C4orf51: variants seen among roughly 807,000 people sequenced by gnomAD.
C4orf51 encodes chromosome 4 open reading frame 51.
In C4orf51, 25 loss-of-function variants were observed where a neutral mutation model predicts 25.2. The observed-to-expected ratio is 0.99, with a 90% CI of 0.72 to 1.39. The LOEUF is 1.39. Ranked by LOEUF, C4orf51 falls within the 40% of genes most tolerant of loss-of-function variation. The probability of loss-of-function intolerance (pLI) is 0.00; values close to 1 mark genes in which losing one functional copy is unlikely to be tolerated. For missense variants in C4orf51, 252 were observed against 239.6 expected, an observed-to-expected ratio of 1.05 and a Z score of -0.34; for synonymous variants, 100 against 84.5, an observed-to-expected ratio of 1.18 and a Z score of -1.01.
rs574793935 is a variant in C4orf51, at chr4:145,715,308, G to T, written c.308-11603G>T. ...GAGTCTTTGCCTCTCTTCCCTGTTT[G>T]CAGCCTCCCTCACCACTCAGCTCTG... On this transcript the variant is annotated intron_variant, in intron 2 of 5. Transcript: ENST00000438731. Among the ~76,000 whole-genome samples, 6 of 152,260 alleles carry T rather than the reference G, an allele frequency of 3.9e-5. No individual in the cohort carries two copies. The South Asian group carries it at 1.2e-3, about 32-fold the overall frequency.
At chr4:145,700,193 C>T (rs959468252) in intron 2 of C4orf51, among the ~76,000 whole-genome samples, 1 of 137,772 alleles carries the variant, frequency 7.3e-6, no homozygotes, top group Non-Finnish European at 1.6e-5. Context: ...CTTATTTCTG[C>T]ACCCCAACCT....
At chr4:145,766,096 C>T (rs1396470321) in intron 1 of C4orf51, among the ~76,000 whole-genome samples, 1 of 152,160 alleles carries the variant, frequency 6.6e-6, no homozygotes, top group East Asian at 1.9e-4. Flanking sequence ...TGTGGCACAA[C>T]TGTTATCAGC....
At chr4:145,746,699 C>T (rs554195700) in intron 1 of C4orf51, among the ~76,000 whole-genome samples, 1 of 151,802 alleles carries the variant, frequency 6.6e-6, no homozygotes, top group South Asian at 2.1e-4. Context: ...TATTCTGGGT[C>T]TTTTGTGGTT....
chr4:145,765,907 C>T lies in C4orf51; in HGVS notation n.167-5081C>T, dbSNP rs528634505. On this transcript the variant is annotated intron_variant and non_coding_transcript_variant, in intron 1 of 1. Coordinates refer to the C4orf51 transcript ENST00000510096. This position sits in a 1 kb window ranked among gnomAD's most constrained non-coding sequence, Gnocchi z 4.7. ...GGATCCCAGGTCCTAAGGCACCTAC[C>T]TCCTTTGTGGTACTGGGGGCCAAGA... 7.9e-5 allele frequency among the ~76,000 whole-genome samples: 12 copies of T among 152,258 alleles called. No individual in the cohort carries two copies. The highest frequency in any genetic ancestry group is 6.5e-4 in the Admixed American group (10 of 15,290).
At position 145,729,936 on chromosome 4, in the gene C4orf51, A is replaced by C. The variant is rs767031752; in HGVS notation, c.472A>C (p.Ser158Arg). Residue 158 changes from serine to arginine, a missense_variant, in exon 5 of 6, where the codon AGT becomes CGT. Coordinates refer to ENST00000438731, the MANE Select transcript of C4orf51 (RefSeq NM_001080531.3). The stretch of plus-strand genomic sequence containing the variant: ...AGCACAGGAGGCCCTGATAAACTAC[A>C]GTCGACGAGGGAAAGGTGTCCTAAA... ...KPAQEALINY[S>R]RRGKGVLKHL... is the part of the protein sequence containing the mutation. 4 of 1,613,732 alleles carry C rather than the reference A, an allele frequency of 2.5e-6. No individual in the cohort carries two copies. The highest frequency in any genetic ancestry group is 3.4e-6 in the Non-Finnish European group (4 of 1,179,788).
At chr4:145,710,456 C>T (rs957640075) in intron 2 of C4orf51, among the ~76,000 whole-genome samples, 1 of 151,956 alleles carries the variant, frequency 6.6e-6, no homozygotes, top group African/African-American at 2.4e-5. Context: ...TCTGCATGTG[C>T]AGTGGCCTGC....
chr4:145,738,591 A>G (rs1481904666), intron 1 of C4orf51, among the ~76,000 whole-genome samples: 1 of 152,074 alleles, frequency 6.6e-6, no homozygotes, highest in African/African-American at 2.4e-5. Context: ...ATACTAAACC[A>G]CAAGACTGAA....
intron 2 of C4orf51, among the ~76,000 whole-genome samples, chr4:145,710,295 G>A (rs1731060311): frequency 6.6e-6 from 1 of 152,206 alleles, no homozygotes; most frequent in Admixed American, 6.5e-5. Flanking sequence ...GAGCAGGAAT[G>A]AAAAGAGGTA....
the C4orf51 span, among the ~76,000 whole-genome samples, chr4:145,787,456 C>T: frequency 2.8e-5 from 4 of 140,476 alleles, no homozygotes; most frequent in East Asian, 2.0e-4. Context: ...AGTGAGACTC[C>T]GTCTCAGGAA....
rs1346535095 is a variant in C4orf51 at position 145,694,394 on chromosome 4, G to A, written c.234-2165G>A. Among the ~76,000 whole-genome samples the A allele has an allele frequency of 6.3e-4, 86 of 137,424 alleles. 1 individual carries two copies. Among genetic ancestry groups the A allele is most frequent in the Non-Finnish European group, 1.2e-3 (76 of 62,946 alleles). The allele number at this position is 137,424 out of a possible 152,430, so 90.2% of individuals were successfully genotyped here. Reference sequence around the variant, plus strand: ...GGTGGGGGGGTCAGCCCTCCACCCGGCCAGCCGCCCCGTCTGGGAGGTGAG... The same window carrying A: ...GGTGGGGGGGTCAGCCCTCCACCCGACCAGCCGCCCCGTCTGGGAGGTGAG... On this transcript the variant is annotated intron_variant, in intron 1 of 5. Coordinates refer to ENST00000438731, the MANE Select transcript of C4orf51 (RefSeq NM_001080531.3).
chr4:145,728,083 G>A (rs1732210315), intron 3 of C4orf51, among the ~76,000 whole-genome samples: 2 of 142,234 alleles, frequency 1.4e-5, no homozygotes, highest in Admixed American at 7.3e-5. Context: ...ATATAAGGAG[G>A]CATTTAAGGT....
At position 145,765,617 on chromosome 4, in the gene C4orf51, G is replaced by A. The variant is rs777958792; in HGVS notation, n.167-5371G>A. On this transcript the variant is annotated intron_variant and non_coding_transcript_variant, in intron 1 of 1. Transcript: ENST00000510096. The surrounding 1 kb of genome is among the most constrained non-coding windows in gnomAD (Gnocchi z 4.7). ...GCATGACAGAGATGACCAGCAGATT[G>A]TTCCCGCCCTTGTTTTTCTGGGAGC... is the stretch of plus-strand genomic sequence containing the variant. 9 of 1,614,134 alleles carry A rather than the reference G, an allele frequency of 5.6e-6. No individual in the cohort carries two copies. The East Asian group carries it at 2.0e-4, about 36-fold the overall frequency.
chr4:145,739,148 A>G (rs993346382), intron 1 of C4orf51, among the ~76,000 whole-genome samples: 1 of 152,220 alleles, frequency 6.6e-6, no homozygotes, highest in African/African-American at 2.4e-5. Flanking sequence ...ACCTACCTAA[A>G]CACTTTCTTT....
At chr4:145,694,206 G>A (rs1249669716) in intron 1 of C4orf51, among the ~76,000 whole-genome samples, 2 of 145,338 alleles carry the variant, frequency 1.4e-5, no homozygotes, top group Non-Finnish European at 3.0e-5. Context: ...TCCTAGATGT[G>A]ATGGCGGCTG....
At chr4:145,747,860 G>A (rs560095604) in intron 1 of C4orf51, among the ~76,000 whole-genome samples, 5 of 146,822 alleles carry the variant, frequency 3.4e-5, no homozygotes, top group South Asian at 2.1e-4. Context: ...CCTTTGTCTC[G>A]TTTTGGTATC....
chr4:145,775,837 G>A (rs757022622), downstream of C4orf51: 1 of 1,614,152 alleles, frequency 6.2e-7, no homozygotes, highest in Admixed American at 1.7e-5. Context: ...AGAGGTGACG[G>A]CGCTGACAAT....
intron 1 of C4orf51, among the ~76,000 whole-genome samples, chr4:145,768,916 T>TATATATATATATATATATATATATAA (rs34051922): frequency 1.2e-4 from 4 of 34,416 alleles, no homozygotes; most frequent in African/African-American, 3.1e-4. Flanking sequence ...TATATATATA[T>TATATATATATATATATATATATATAA]TAGGTATACA....
chr4:145,764,678 T>C, intron 1 of C4orf51: 2 of 353,838 alleles, frequency 5.7e-6, no homozygotes, highest in Non-Finnish European at 1.1e-5. Flanking sequence ...TCCATTAAAA[T>C]CAAGTCTGAA....
chr4:145,778,019 T>C, the C4orf51 span, among the ~76,000 whole-genome samples: 1 of 152,176 alleles, frequency 6.6e-6, no homozygotes, highest in South Asian at 2.1e-4. Flanking sequence ...TTTTTGAACA[T>C]GTTAAAGTTT....
Sources: gnomAD v4.1 joint callset for allele counts (sites outside exome capture counted in the v4.1 genomes callset) on GRCh38, gnomAD v4.1.1 for gene constraint, Gnocchi (gnomAD v3.1) non-coding constraint, MANE v1.5 for transcripts, NCBI Gene and HGNC (gene_info 2026-07-23, HGNC 2026-07-21) for gene names.